The following POLR1B variants were observed in gnomAD, a reference collection of about 807,000 sequenced individuals.
The protein encoded by POLR1B is DNA-directed RNA polymerase I subunit RPA2.
In POLR1B, 30 loss-of-function variants were observed where a neutral mutation model predicts 105.8. The ratio of observed to expected loss-of-function variants is 0.28; its 90% CI spans 0.21 to 0.38. The LOEUF (loss-of-function observed/expected upper bound fraction) is 0.38. POLR1B is among the 10% of genes least tolerant of loss of function. The pLI is 1.00. For synonymous variants in POLR1B, 485 were observed against 505.1 expected (o/e 0.96, Z 0.53); for missense variants, 976 against 1,435.8 (o/e 0.68, Z 5.17).
chr2:112,547,601 G>A, intron 3 of POLR1B, 34 bp downstream of exon 3: 1 of 1,601,800 alleles, frequency 6.2e-7, no homozygotes, highest in Non-Finnish European at 8.5e-7. Context: ...AGACAGTAGA[G>A]AAGGCCTGGG....
chr2:112,543,542 A>AAGAGT (rs1267866065), intron 1 of POLR1B, among the ~76,000 whole-genome samples: 3 of 152,216 alleles, frequency 2.0e-5, no homozygotes, highest in Admixed American at 2.0e-4. Flanking sequence ...CGTCCAGGGG[A>AAGAGT]AGAGTAGAGC....
intron 4 of POLR1B, among the ~76,000 whole-genome samples, chr2:112,550,551 G>A (rs1319510823): frequency 1.3e-5 from 2 of 152,306 alleles, no homozygotes; most frequent in South Asian, 2.1e-4. Flanking sequence ...CAAGCACCAT[G>A]TCTTGACCAG....
chr2:112,566,214 C>T (rs1024058327), intron 10 of POLR1B, among the ~76,000 whole-genome samples: 25 of 152,192 alleles, frequency 1.6e-4, no homozygotes, highest in African/African-American at 6.0e-4. Flanking sequence ...GTTGGTTTGT[C>T]CTGTTACGAC....
Position 112,564,455 on chromosome 2 carries a change from A to G in POLR1B, c.1702A>G (p.Lys568Glu), listed in dbSNP as rs147106296. ...LDGVMVGWVDKDLAPGIADSL... is the reference protein window; with the variant it reads ...LDGVMVGWVDEDLAPGIADSL... ...CGGTGTCATGGTTGGCTGGGTGGAT[A>G]AGGATCTTGCTCCAGGCATCGCAGA... The change falls in exon 10 of 15, where the codon AAG becomes GAG. Residue 568 changes from lysine (K) to glutamate (E), a missense_variant. This residue lies in a region of POLR1B where 184 missense variants were observed against 197.4 expected (regional missense o/e 0.93). Transcript: ENST00000263331. 8.7e-6 allele frequency: 14 copies of G among 1,614,096 alleles called. No individual in the cohort carries two copies. Among genetic ancestry groups the G allele is most frequent in the Non-Finnish European group, 1.1e-5 (13 of 1,180,036 alleles).
At chr2:112,544,417 G>T (rs1682928492) in intron 1 of POLR1B, among the ~76,000 whole-genome samples, 1 of 152,182 alleles carries the variant, frequency 6.6e-6, no homozygotes, top group Admixed American at 6.5e-5. Context: ...GGGTGACAGA[G>T]TGAGACTCTC....
At chr2:112,563,180 G>A (rs1378136588) in intron 9 of POLR1B, among the ~76,000 whole-genome samples, 3 of 150,394 alleles carry the variant, frequency 2.0e-5, no homozygotes, top group Non-Finnish European at 4.4e-5. Flanking sequence ...TCAGCCTCCC[G>A]AGTAGCTGGG....
intron 14 of POLR1B, among the ~76,000 whole-genome samples, chr2:112,574,361 G>A (rs72948412): frequency 6.4e-4 from 97 of 152,164 alleles, no homozygotes; most frequent in African/African-American, 2.3e-3. Context: ...ACATAATTCT[G>A]TAGTGAATAT....
At position 112,548,758 on chromosome 2, in the gene POLR1B, G is replaced by A. The variant is rs187649932; in HGVS notation, c.493-509G>A. On this transcript the variant is annotated intron_variant, in intron 3 of 14. Coordinates refer to ENST00000263331, the MANE Select transcript of POLR1B (RefSeq NM_019014.6). ...CTCCCGAGTAGCTGGGACTACAGGCGCCCACTACCACGCCTGGCTAATTTT... is the reference window on the plus strand; with the variant it reads ...CTCCCGAGTAGCTGGGACTACAGGCACCCACTACCACGCCTGGCTAATTTT... Among the ~76,000 whole-genome samples the A allele has an allele frequency of 8.4e-4, 128 of 152,064 alleles. 1 individual carries two copies. In the Middle Eastern group the frequency reaches 0.014, roughly 16 times the overall value.
At position 112,559,567 on chromosome 2, in the gene POLR1B, C is replaced by T. The variant is rs781291463; in HGVS notation, c.1605C>T (p.Cys535=). The part of the protein sequence containing the change: ...VYTASIPALL[C]NLGVTPIDGA... Reference sequence around the variant, plus strand: ...CGGCATCTATTCCAGCTTTACTGTGCAACTTGGGTATGTAGTGTACAGTGA... The same window carrying T: ...CGGCATCTATTCCAGCTTTACTGTGTAACTTGGGTATGTAGTGTACAGTGA... The change falls in exon 9 of 15, where the codon TGC becomes TGT. Residue 535 remains cysteine, a synonymous_variant. Coordinates refer to ENST00000263331, the MANE Select transcript of POLR1B (RefSeq NM_019014.6). The T allele has an allele frequency of 8.1e-6, 13 of 1,613,888 alleles. No homozygotes were observed. The highest frequency in any genetic ancestry group is 1.3e-5 in the African/African-American group (1 of 74,936).
At chr2:112,561,464 CTT>C (rs11362371) in intron 9 of POLR1B, among the ~76,000 whole-genome samples, 20 of 149,788 alleles carry the variant, frequency 1.3e-4, no homozygotes, top group South Asian at 2.1e-4. Flanking sequence ...GAAGAGTGTT[CTT>C]TTTTTTTTTT....
Position 112,575,825 on chromosome 2 carries a change from T to G in POLR1B, c.*96T>G. ...TATCATTACCAGGTTACTCTTGAGA[T>G]TTTTCAACGGTGTTAGAACTCTCAA... On this transcript the variant is annotated 3_prime_UTR_variant, in exon 15 of 15. Coordinates refer to ENST00000263331, the MANE Select transcript of POLR1B (RefSeq NM_019014.6). This position sits in a 1 kb window ranked among gnomAD's most constrained non-coding sequence, Gnocchi z 5.3. 1 of 1,375,498 alleles carries G rather than the reference T, an allele frequency of 7.3e-7. No homozygotes were observed. The highest frequency in any genetic ancestry group is 2.3e-5 in the East Asian group (1 of 43,520). 85.2% of individuals were successfully genotyped at this position (1,375,498 alleles called of 1,614,324 possible).
Position 112,551,909 on chromosome 2 carries a change from G to C in POLR1B, c.897G>C (p.Gln299His). 6.2e-7 allele frequency: 1 copy of C among 1,614,130 alleles called. No individual in the cohort carries two copies. The highest frequency in any genetic ancestry group is 2.2e-5 in the East Asian group (1 of 44,882). Reference protein sequence around the residue: ...VMEEGCSTQKQVLNYLGECFR... With the variant: ...VMEEGCSTQKHVLNYLGECFR... ...AAGAGGGTTGTTCGACACAAAAACA[G>C]GTCCTTAACTACCTAGGTGAATGCT... is the stretch of plus-strand genomic sequence containing the variant. Residue 299 changes from glutamine to histidine, a missense_variant, in exon 6 of 15, where the codon CAG becomes CAC. By Grantham distance (24) the Gln-to-His change is conservative. Around this residue, in one of 12 missense-constraint regions of POLR1B, gnomAD observed 452 missense variants for 616.5 expected, o/e 0.73. Transcript: ENST00000263331.
At chr2:112,545,426 G>A (rs1459636357) in intron 1 of POLR1B, among the ~76,000 whole-genome samples, 3 of 152,176 alleles carry the variant, frequency 2.0e-5, no homozygotes, top group Non-Finnish European at 2.9e-5. Flanking sequence ...ACAAGATTGT[G>A]TGTTGATCAG....
chr2:112,549,498 T>TA, intron 4 of POLR1B, 99 bp downstream of exon 4: 65 of 940,698 alleles, frequency 6.9e-5, no homozygotes, highest in Non-Finnish European at 8.6e-5. Context: ...TATTTTTGTT[T>TA]CTTTTTTTTT....
chr2:112,551,710 A>G, intron 5 of POLR1B, 65 bp from the exon 6 acceptor site: 2 of 1,295,188 alleles, frequency 1.5e-6, no homozygotes, highest in African/African-American at 3.0e-5. Context: ...GAAGATAATT[A>G]TTAGTGAATA....
At chr2:112,542,174 G>A, upstream of POLR1B, 1 of 1,535,750 alleles carries the variant, frequency 6.5e-7, no homozygotes, top group East Asian at 2.4e-5. Flanking sequence ...GAGGTCACAT[G>A]CTCAACTGGG....
chr2:112,549,811 T>C (rs1683268346), intron 4 of POLR1B, among the ~76,000 whole-genome samples: 1 of 152,210 alleles, frequency 6.6e-6, no homozygotes, highest in Non-Finnish European at 1.5e-5. Flanking sequence ...ACTGTACTGC[T>C]TAAAATTGAT....
chr2:112,561,003 T>G (rs1683949882), intron 9 of POLR1B, among the ~76,000 whole-genome samples: 3 of 151,718 alleles, frequency 2.0e-5, no homozygotes, highest in Admixed American at 2.0e-4. Context: ...AGGTGGAGGT[T>G]GCAGGGAACC....
In POLR1B at chr2:112,573,812, A is replaced by G; in HGVS notation, c.2522A>G (p.Tyr841Cys). Reference sequence around the variant, plus strand: ...ACCGGGGAAAGTTTTGTGATGTACTATAAGTAAGTTTGGGTATCCAAGCTG... The same window carrying G: ...ACCGGGGAAAGTTTTGTGATGTACTGTAAGTAAGTTTGGGTATCCAAGCTG... ...LNTGESFVMYYKSKENCVVDN... is the reference protein window; with the variant it reads ...LNTGESFVMYCKSKENCVVDN... Residue 841 changes from tyrosine (Y) to cysteine (C), a missense_variant, in exon 14 of 15, where the codon TAT becomes TGT. This residue lies in a region of POLR1B where 119 missense variants were observed against 149.7 expected (regional missense o/e 0.79). Coordinates refer to ENST00000263331, the MANE Select transcript of POLR1B (RefSeq NM_019014.6). The G allele has an allele frequency of 1.9e-6, 3 of 1,610,084 alleles. No homozygotes were observed. The highest frequency in any genetic ancestry group is 2.5e-6 in the Non-Finnish European group (3 of 1,177,052).
Sources: allele counts gnomAD v4.1 joint callset (sites outside exome capture counted in the v4.1 genomes callset), GRCh38; gene constraint gnomAD v4.1.1; regional missense constraint gnomAD v4.1.1; non-coding constraint Gnocchi (gnomAD v3.1); transcripts MANE v1.5; gene names NCBI Gene and HGNC (gene_info 2026-07-23, HGNC 2026-07-21).